SLC8A3: variants seen among roughly 807,000 people sequenced by gnomAD.
The protein encoded by SLC8A3 is sodium/calcium exchanger 3.
Under a neutral mutation model 65.4 loss-of-function variants are expected in SLC8A3, and 37 were observed. The observed-to-expected ratio is 0.57, with a 90% CI of 0.44 to 0.74. SLC8A3 has a LOEUF of 0.74. SLC8A3 is among the 30% of genes least tolerant of loss of function. The pLI is 0.00. For missense variants in SLC8A3, 1,112 were observed against 1,172.1 expected, an observed-to-expected ratio of 0.95 and a Z score of 0.75; for synonymous variants, 461 against 444.5, an observed-to-expected ratio of 1.04 and a Z score of -0.47.
chr14:70,160,327 C>T (rs1185197352), intron 2 of SLC8A3, among the ~76,000 whole-genome samples: 1 of 152,104 alleles, frequency 6.6e-6, no homozygotes, highest in African/African-American at 2.4e-5. Flanking sequence ...CGTCTGTAGT[C>T]CCAGCTACTT....
At chr14:70,122,513 ACT>A (rs1266585983) in intron 2 of SLC8A3, among the ~76,000 whole-genome samples, 1 of 151,636 alleles carries the variant, frequency 6.6e-6, no homozygotes, top group Non-Finnish European at 1.5e-5. Flanking sequence ...GGACACTAAA[ACT>A]CTATGACTCA....
chr14:70,126,068 T>C (rs1297752943), intron 2 of SLC8A3, among the ~76,000 whole-genome samples: 3 of 151,954 alleles, frequency 2.0e-5, no homozygotes, highest in Admixed American at 2.0e-4. Flanking sequence ...TCCTAAAGAG[T>C]TTTCACCAGC....
At chr14:70,098,127 T>C (rs1306864002) in intron 2 of SLC8A3, among the ~76,000 whole-genome samples, 1 of 152,046 alleles carries the variant, frequency 6.6e-6, no homozygotes, top group Non-Finnish European at 1.5e-5. Flanking sequence ...GAAAGGGAGA[T>C]CAGAGGTTCC....
chr14:70,062,709 T>C (rs2139843267), intron 2 of SLC8A3, among the ~76,000 whole-genome samples: 1 of 152,366 alleles, frequency 6.6e-6, no homozygotes, highest in Non-Finnish European at 1.5e-5. Flanking sequence ...TTTTGACATC[T>C]TTTTATACCT....
intron 2 of SLC8A3, among the ~76,000 whole-genome samples, chr14:70,074,156 A>G (rs1192962712): frequency 6.6e-6 from 1 of 152,218 alleles, no homozygotes; most frequent in Non-Finnish European, 1.5e-5. Context: ...TGTGCAGCAC[A>G]GTGGCACTGG....
intron 2 of SLC8A3, among the ~76,000 whole-genome samples, chr14:70,083,413 C>G (rs1196321620): frequency 6.6e-6 from 1 of 152,152 alleles, no homozygotes; most frequent in Non-Finnish European, 1.5e-5. Flanking sequence ...TTTCCTCTCT[C>G]CCAAAGGAAA....
At chr14:70,130,295 C>T (rs1030754839) in intron 2 of SLC8A3, among the ~76,000 whole-genome samples, 1 of 152,226 alleles carries the variant, frequency 6.6e-6, no homozygotes, top group African/African-American at 2.4e-5. Flanking sequence ...ACTCACCTGA[C>T]GTTCACCTGC....
intron 1 of SLC8A3, among the ~76,000 whole-genome samples, chr14:70,176,819 T>C (rs1897937601): frequency 6.6e-6 from 1 of 152,236 alleles, no homozygotes; most frequent in South Asian, 2.1e-4. Flanking sequence ...AATCCATAAT[T>C]CTCTTGTCTT....
At chr14:70,176,039 G>C (rs1233730340) in intron 1 of SLC8A3, among the ~76,000 whole-genome samples, 1 of 152,188 alleles carries the variant, frequency 6.6e-6, no homozygotes, top group Non-Finnish European at 1.5e-5. Context: ...ATCACACTCT[G>C]TGAAACTCTA....
At chr14:70,153,451 A>G (rs533546295) in intron 2 of SLC8A3, among the ~76,000 whole-genome samples, 1 of 152,108 alleles carries the variant, frequency 6.6e-6, no homozygotes, top group East Asian at 1.9e-4. Flanking sequence ...TGACTGGAGG[A>G]GGGGGTTGTG....
At chr14:70,184,939 G>GCCT (rs1883059815) in intron 1 of SLC8A3, among the ~76,000 whole-genome samples, 1 of 151,504 alleles carries the variant, frequency 6.6e-6, no homozygotes, top group Non-Finnish European at 1.5e-5. Flanking sequence ...TAAGTGAAGG[G>GCCT]GGTTATTCCT....
chr14:70,104,604 A>T, intron 2 of SLC8A3, among the ~76,000 whole-genome samples: 1 of 152,204 alleles, frequency 6.6e-6, no homozygotes, highest in East Asian at 1.9e-4. Context: ...TATAATGTAT[A>T]TACTTGGATT....
chr14:70,161,007 G>A (rs1269232732), intron 2 of SLC8A3, among the ~76,000 whole-genome samples: 2 of 151,168 alleles, frequency 1.3e-5, no homozygotes, highest in Non-Finnish European at 2.9e-5. Flanking sequence ...CACTTTGGGA[G>A]GCTGAGGCTG....
intron 2 of SLC8A3, among the ~76,000 whole-genome samples, chr14:70,137,078 T>C (rs1895245799): frequency 6.6e-6 from 1 of 152,142 alleles, no homozygotes; most frequent in African/African-American, 2.4e-5. Flanking sequence ...ACCAGGCCTC[T>C]AAGACCTAAA....
chr14:70,054,035 T>C (rs1462566013), intron 3 of SLC8A3, among the ~76,000 whole-genome samples: 1 of 152,228 alleles, frequency 6.6e-6, no homozygotes, highest in African/African-American at 2.4e-5. Context: ...AGAGAATAAA[T>C]GGCAGGTGAT....
intron 2 of SLC8A3, among the ~76,000 whole-genome samples, chr14:70,133,778 C>T (rs940007855): frequency 6.6e-6 from 1 of 152,134 alleles, no homozygotes. Context: ...GAGCTAGTTC[C>T]AGGAATACAG....
intron 2 of SLC8A3, among the ~76,000 whole-genome samples, chr14:70,146,832 A>G (rs1255652250): frequency 6.6e-6 from 1 of 152,168 alleles, no homozygotes; most frequent in Non-Finnish European, 1.5e-5. Context: ...GAAGGCTGGG[A>G]TGTGCCTGAG....
intron 2 of SLC8A3, among the ~76,000 whole-genome samples, chr14:70,085,241 C>T (rs1394894627): frequency 2.0e-5 from 3 of 151,876 alleles, no homozygotes; most frequent in African/African-American, 7.3e-5. Flanking sequence ...TAGATTAGCA[C>T]CCCATTTTTC....
chr14:70,168,519 G>A (rs1897315282), intron 1 of SLC8A3, 35 bp from the exon 2 acceptor site: 1 of 941,472 alleles, frequency 1.1e-6, no homozygotes. Flanking sequence ...AAAGGCATGA[G>A]GAAAAAGGGG....
Sources: allele counts gnomAD v4.1 joint callset (sites outside exome capture counted in the v4.1 genomes callset), GRCh38; gene constraint gnomAD v4.1.1; transcripts MANE v1.5; gene names NCBI Gene and HGNC (gene_info 2026-07-23, HGNC 2026-07-21).